The following SH3GLB1 variants were observed in gnomAD, a reference collection of about 807,000 sequenced individuals.
The protein encoded by SH3GLB1 is SH3 domain containing GRB2 like, endophilin B1, also known as endophilin-B1.
In SH3GLB1, 17 loss-of-function variants were observed where a neutral mutation model predicts 42.0. The ratio of observed to expected loss-of-function variants is 0.40; its 90% CI spans 0.28 to 0.61. The LOEUF (loss-of-function observed/expected upper bound fraction) is 0.61. Ranked by LOEUF, SH3GLB1 falls within the 20% of genes least tolerant of loss-of-function variation. The pLI, the probability that SH3GLB1 is intolerant of heterozygous loss-of-function variation, is 0.36. For synonymous variants in SH3GLB1, 132 were observed against 146.6 expected, an observed-to-expected ratio of 0.90 and a Z score of 0.72; for missense variants, 355 against 426.3, an observed-to-expected ratio of 0.83 and a Z score of 1.47.
At chr1:86,742,685 A>T (rs1422451582) in intron 8 of SH3GLB1, among the ~76,000 whole-genome samples, 4 of 152,182 alleles carry the variant, frequency 2.6e-5, no homozygotes, top group Non-Finnish European at 4.4e-5. Flanking sequence ...TAGGCCAGAC[A>T]TGGTGGCTTA....
intron 7 of SH3GLB1, among the ~76,000 whole-genome samples, chr1:86,737,972 C>G (rs1001098623): frequency 6.6e-6 from 1 of 152,162 alleles, no homozygotes; most frequent in Non-Finnish European, 1.5e-5. Flanking sequence ...GGAGCCAAAA[C>G]ATATAGGGCT....
intron 1 of SH3GLB1, among the ~76,000 whole-genome samples, chr1:86,712,017 A>G (rs1416296385): frequency 6.6e-6 from 1 of 152,136 alleles, no homozygotes; most frequent in East Asian, 1.9e-4. Flanking sequence ...TGTTATCTTA[A>G]TAAAGTGTAC....
chr1:86,704,693 C>A lies in SH3GLB1; in HGVS notation c.-207C>A. 1 of 436,616 alleles carries A rather than the reference C, an allele frequency of 2.3e-6. No homozygotes were observed. The highest frequency in any genetic ancestry group is 4.1e-6 in the Non-Finnish European group (1 of 243,542). 27.0% of individuals were successfully genotyped at this position (436,616 alleles called of 1,614,324 possible). A position where few individuals can be genotyped will look rare whatever the true frequency, so the allele number is the denominator to read the frequency against. On this transcript the variant is annotated 5_prime_UTR_variant, in exon 1 of 9. Coordinates refer to ENST00000370558, the MANE Select transcript of SH3GLB1 (RefSeq NM_016009.5). ...TCCGAGCCGACTGACCCATCCTTGG[C>A]GCTGCCGCCGCGCGCTTGTTCTCCT...
chr1:86,705,242 C>T (rs888208556), intron 1 of SH3GLB1, among the ~76,000 whole-genome samples: 1 of 152,180 alleles, frequency 6.6e-6, no homozygotes, highest in East Asian at 1.9e-4. Context: ...ACTAAGGCTG[C>T]ACTGTCCGCC....
At chr1:86,725,310 C>T (rs964987332) in intron 5 of SH3GLB1, among the ~76,000 whole-genome samples, 61 of 151,796 alleles carry the variant, frequency 4.0e-4, no homozygotes, top group African/African-American at 1.4e-3. Context: ...TTTCAGGCAA[C>T]GATGTTGAAT....
intron 7 of SH3GLB1, among the ~76,000 whole-genome samples, chr1:86,741,754 G>A (rs189290287): frequency 7.9e-5 from 12 of 152,198 alleles, no homozygotes; most frequent in African/African-American, 2.4e-4. Flanking sequence ...ATAGGAAAAT[G>A]TGATTGGACC....
At chr1:86,720,118 T>A (rs542357343) in intron 3 of SH3GLB1, among the ~76,000 whole-genome samples, 31 of 152,122 alleles carry the variant, frequency 2.0e-4, no homozygotes, top group Admixed American at 4.6e-4. Context: ...ATATTTAATA[T>A]ATTCAAGCAT....
intron 1 of SH3GLB1, among the ~76,000 whole-genome samples, chr1:86,706,687 A>G (rs969260233): frequency 5.9e-5 from 9 of 152,196 alleles, no homozygotes; most frequent in African/African-American, 9.7e-5. Context: ...CTCATTACCT[A>G]TAATTCTAGA....
At chr1:86,728,668 A>G (rs1333946813) in intron 5 of SH3GLB1, among the ~76,000 whole-genome samples, 1 of 152,174 alleles carries the variant, frequency 6.6e-6, no homozygotes, top group Non-Finnish European at 1.5e-5. Flanking sequence ...GTATGTTCTG[A>G]TTGCCAAATA....
At position 86,734,424 on chromosome 1, in the gene SH3GLB1, T is replaced by TA; in HGVS notation, c.571-177dup. Reference sequence around the variant, plus strand: ...GGAATCAGTTGTCCAGGTGGAGTAATACAGAAAAGCTAAGGTCTAGAAACC... The same window carrying TA: ...GGAATCAGTTGTCCAGGTGGAGTAATAACAGAAAAGCTAAGGTCTAGAAACC... On this transcript the variant is annotated intron_variant, in intron 5 of 8. Coordinates refer to ENST00000370558, the MANE Select transcript of SH3GLB1 (RefSeq NM_016009.5). 3 of 555,936 alleles carry TA rather than the reference T, an allele frequency of 5.4e-6. No individual in the cohort carries two copies. The South Asian group carries it at 7.1e-5, about 13-fold the overall frequency. The allele number at this position is 555,936 out of a possible 1,614,324, so 34.4% of individuals were successfully genotyped here. A position where few individuals can be genotyped will look rare whatever the true frequency, so the allele number is the denominator to read the frequency against.
intron 5 of SH3GLB1, among the ~76,000 whole-genome samples, chr1:86,728,076 G>A (rs1655291221): frequency 6.6e-6 from 1 of 151,970 alleles, no homozygotes; most frequent in South Asian, 2.1e-4. Context: ...AAAATTTGGG[G>A]TTAGGTAGGA....
chr1:86,734,982 A>G, intron 6 of SH3GLB1, 97 bp from the exon 7 acceptor site: 4 of 842,302 alleles, frequency 4.7e-6, no homozygotes, highest in Non-Finnish European at 7.9e-6. Flanking sequence ...GATACTGGTG[A>G]GTCTACCTCA....
In SH3GLB1 at chr1:86,725,552, G is replaced by T. The variant is rs142638929; in HGVS notation, c.570+1147G>T. ...TAAACCAAGTATGAATTTGTTAGAAGAAGCTAACAAGTTAATACTTAATTT... is the reference window on the plus strand; with the variant it reads ...TAAACCAAGTATGAATTTGTTAGAATAAGCTAACAAGTTAATACTTAATTT... On this transcript the variant is annotated intron_variant, in intron 5 of 8. Coordinates refer to ENST00000370558, the MANE Select transcript of SH3GLB1 (RefSeq NM_016009.5). Among the ~76,000 whole-genome samples the T allele has an allele frequency of 5.7e-3, 863 of 152,152 alleles. 7 individuals carry two copies. The highest frequency in any genetic ancestry group is 0.019 in the African/African-American group (803 of 41,500).
intron 2 of SH3GLB1, among the ~76,000 whole-genome samples, chr1:86,719,156 G>A (rs1217553296): frequency 6.6e-6 from 1 of 152,190 alleles, no homozygotes; most frequent in Non-Finnish European, 1.5e-5. Flanking sequence ...TGTACATTCA[G>A]AGTAAAAATT....
At chr1:86,715,262 G>A (rs145555450) in intron 1 of SH3GLB1, among the ~76,000 whole-genome samples, 4 of 152,118 alleles carry the variant, frequency 2.6e-5, no homozygotes, top group African/African-American at 9.7e-5. Context: ...TATAAAATAT[G>A]TATTGTCTCT....
chr1:86,711,983 A>G (rs984953998), intron 1 of SH3GLB1, among the ~76,000 whole-genome samples: 5 of 152,154 alleles, frequency 3.3e-5, no homozygotes, highest in Non-Finnish European at 7.4e-5. Flanking sequence ...AGTGCTTTAG[A>G]GAAAATGTAT....
chr1:86,728,045 T>C (rs1323970297), intron 5 of SH3GLB1, among the ~76,000 whole-genome samples: 2 of 152,022 alleles, frequency 1.3e-5, no homozygotes, highest in Admixed American at 6.6e-5. Context: ...ATTCATAAAA[T>C]AGAAATGATC....
At chr1:86,722,480 CA>C in intron 3 of SH3GLB1, 59 bp from the exon 4 acceptor site, 3 of 1,468,190 alleles carry the variant, frequency 2.0e-6, no homozygotes, top group Non-Finnish European at 2.7e-6. Flanking sequence ...TTTATCTTTA[CA>C]TGATTTTATT....
At chr1:86,710,312 T>C (rs1456647373) in intron 1 of SH3GLB1, among the ~76,000 whole-genome samples, 1 of 151,932 alleles carries the variant, frequency 6.6e-6, no homozygotes, top group Non-Finnish European at 1.5e-5. Context: ...TTGCCCAGGC[T>C]GGAGTGCAGT....
Sources: gnomAD v4.1 joint callset for allele counts (sites outside exome capture counted in the v4.1 genomes callset) on GRCh38, gnomAD v4.1.1 for gene constraint, MANE v1.5 for transcripts, NCBI Gene and HGNC (gene_info 2026-07-23, HGNC 2026-07-21) for gene names.